IFT25: variants seen among roughly 807,000 people sequenced by gnomAD.
IFT25 encodes intraflagellar transport 25.
At chr1:53,938,819 A>C in the IFT25 span, among the ~76,000 whole-genome samples, 1 of 152,138 alleles carries the variant, frequency 6.6e-6, no homozygotes, top group Non-Finnish European at 1.5e-5. Context: ...TCACGCCTGT[A>C]ATCTCAGCAT....
At chr1:53,930,617 T>A in the IFT25 span, among the ~76,000 whole-genome samples, 3 of 152,166 alleles carry the variant, frequency 2.0e-5, no homozygotes, top group Non-Finnish European at 4.4e-5. Context: ...TCTGGTCCCA[T>A]TTATCTAACC....
the IFT25 span, chr1:53,917,028 C>T: frequency 4.5e-6 from 1 of 219,836 alleles, no homozygotes; most frequent in East Asian, 8.5e-5. Context: ...CCTGTAATCC[C>T]AGCTCCTAGG....
the IFT25 span, among the ~76,000 whole-genome samples, chr1:53,922,394 CAA>C: frequency 0.31 from 29,088 of 94,498 alleles, 4,065 homozygotes; most frequent in African/African-American, 0.49. Context: ...AATTCCGTCT[CAA>C]AAAAAAAAAA....
chr1:53,916,743 C>A, the IFT25 span: 1 of 375,218 alleles, frequency 2.7e-6, no homozygotes, highest in Middle Eastern at 7.0e-4. Flanking sequence ...TTTTATTCAT[C>A]TTTCCCCAAA....
At chr1:53,919,398 A>T in the IFT25 span, among the ~76,000 whole-genome samples, 1 of 152,258 alleles carries the variant, frequency 6.6e-6, no homozygotes, top group Non-Finnish European at 1.5e-5. Context: ...CTGGAGGACA[A>T]GAAACAACTT....
the IFT25 span, among the ~76,000 whole-genome samples, chr1:53,927,966 GA>G: frequency 1.3e-5 from 2 of 152,134 alleles, no homozygotes; most frequent in African/African-American, 4.8e-5. Flanking sequence ...ATAGACATAT[GA>G]AGGCAAGATG....
the IFT25 span, among the ~76,000 whole-genome samples, chr1:53,944,532 C>T: frequency 6.6e-6 from 1 of 152,216 alleles, no homozygotes; most frequent in Non-Finnish European, 1.5e-5. Flanking sequence ...GTAATCCCAG[C>T]TACTCCGGAG....
At chr1:53,912,112 G>C in the IFT25 span, among the ~76,000 whole-genome samples, 1 of 152,134 alleles carries the variant, frequency 6.6e-6, no homozygotes, top group Non-Finnish European at 1.5e-5. Flanking sequence ...AAGCACAGAT[G>C]AGCACTCACT....
At chr1:53,920,894 C>T in the IFT25 span, among the ~76,000 whole-genome samples, 1 of 152,122 alleles carries the variant, frequency 6.6e-6, no homozygotes, top group African/African-American at 2.4e-5. Flanking sequence ...AAGTAAAGGC[C>T]GGGTGCGGTG....
At chr1:53,925,883 T>C in the IFT25 span, among the ~76,000 whole-genome samples, 2 of 151,574 alleles carry the variant, frequency 1.3e-5, no homozygotes, top group South Asian at 4.2e-4. Context: ...GGTGGACGAT[T>C]TGAGGTCAGG....
chr1:53,922,785 T>C, the IFT25 span, among the ~76,000 whole-genome samples: 1 of 152,136 alleles, frequency 6.6e-6, no homozygotes, highest in African/African-American at 2.4e-5. Context: ...TGTGATATAA[T>C]ACTAAGTTAA....
chr1:53,938,300 C>T, the IFT25 span, among the ~76,000 whole-genome samples: 1 of 152,036 alleles, frequency 6.6e-6, no homozygotes, highest in Non-Finnish European at 1.5e-5. Flanking sequence ...CAGTATTAGT[C>T]AAGTTTGACT....
chr1:53,926,769 C>T, the IFT25 span, among the ~76,000 whole-genome samples: 2 of 151,336 alleles, frequency 1.3e-5, no homozygotes, highest in African/African-American at 4.9e-5. Flanking sequence ...GTCACCCAGG[C>T]TGGAGTGCAG....
chr1:53,935,036 C>G, the IFT25 span, among the ~76,000 whole-genome samples: 1 of 152,144 alleles, frequency 6.6e-6, no homozygotes, highest in African/African-American at 2.4e-5. Context: ...CCAGTCACGG[C>G]TGGGGGTTGT....
the IFT25 span, among the ~76,000 whole-genome samples, chr1:53,915,624 G>T: frequency 1.3e-5 from 2 of 152,158 alleles, no homozygotes; most frequent in African/African-American, 4.8e-5. Context: ...GTCTTGCGAG[G>T]GTAAGGTGCA....
At chr1:53,928,260 A>G in the IFT25 span, 3 of 817,312 alleles carry the variant, frequency 3.7e-6, no homozygotes, top group South Asian at 3.3e-5. Flanking sequence ...ATGTGTCACA[A>G]GGATCATTAA....
the IFT25 span, chr1:53,929,428 G>A: frequency 6.6e-6 from 1 of 152,144 alleles, no homozygotes; most frequent in African/African-American, 2.4e-5. Context: ...AATTTTGCAA[G>A]TAGCCCCATC....
chr1:53,923,412 T>C, the IFT25 span: 1 of 153,702 alleles, frequency 6.5e-6, no homozygotes, highest in Non-Finnish European at 1.4e-5. Context: ...TCATTTCACT[T>C]GACAAGCAAA....
the IFT25 span, among the ~76,000 whole-genome samples, chr1:53,935,103 CA>C: frequency 5.5e-4 from 84 of 152,168 alleles, no homozygotes; most frequent in Non-Finnish European, 3.4e-4. Flanking sequence ...ATCATGAGGT[CA>C]AGAGATCAAG....
Sources: allele counts gnomAD v4.1 joint callset (sites outside exome capture counted in the v4.1 genomes callset), GRCh38; gene constraint gnomAD v4.1.1; transcripts MANE v1.5; gene names NCBI Gene and HGNC (gene_info 2026-07-23, HGNC 2026-07-21).